Variants in CADPS observed in about 807,000 individuals in gnomAD.
CADPS encodes the protein calcium-dependent secretion activator 1.
CADPS carries 57 observed loss-of-function variants against 167.3 expected under a neutral mutation model. The observed-to-expected ratio is 0.34, with a 90% CI of 0.28 to 0.42. The LOEUF is 0.42. Ranked by LOEUF, CADPS falls within the 20% of genes least tolerant of loss-of-function variation. The pLI, the probability that CADPS is intolerant of heterozygous loss-of-function variation, is 1.00. For missense variants in CADPS, 1,414 were observed against 1,738.1 expected (o/e 0.81, Z 3.32); for synonymous variants, 676 against 635.3 (o/e 1.06, Z -0.96).
rs548416180 is a variant in CADPS at position 62,458,511 on chromosome 3, C to T, written c.3636+6856G>A. On this transcript the variant is annotated intron_variant, in intron 26 of 29. Coordinates refer to ENST00000383710, the MANE Select transcript of CADPS (RefSeq NM_003716.4). This position sits in a 1 kb window ranked among gnomAD's most constrained non-coding sequence, Gnocchi z 4.6. Reference sequence around the variant, plus strand: ...TCTTTTTTCTTTTTCTTTTTTGAGACGGAGTCTGGCTCTATCACCCAGGCT... The same window carrying T: ...TCTTTTTTCTTTTTCTTTTTTGAGATGGAGTCTGGCTCTATCACCCAGGCT... Among the ~76,000 whole-genome samples the T allele has an allele frequency of 1.2e-3, 181 of 152,108 alleles. No individual in the cohort carries two copies. The highest frequency in any genetic ancestry group is 3.8e-3 in the African/African-American group (159 of 41,506).
chr3:62,438,484 A>G lies in CADPS; in HGVS notation c.3670-273T>C, dbSNP rs1037734927. ...TCTATGATAAATTTTTTCCTGGCAA[A>G]TTTATCTAATGGATAAATCTTTACT... On this transcript the variant is annotated intron_variant, in intron 27 of 29. Coordinates refer to ENST00000383710, the MANE Select transcript of CADPS (RefSeq NM_003716.4). The surrounding 1 kb of genome is among the most constrained non-coding windows in gnomAD (Gnocchi z 4.7). 1 of 381,728 alleles carries G rather than the reference A, an allele frequency of 2.6e-6. No individual in the cohort carries two copies. The highest frequency in any genetic ancestry group is 2.1e-5 in the African/African-American group (1 of 48,308). The allele number at this position is 381,728 out of a possible 1,614,324, so 23.6% of individuals were successfully genotyped here. A position where few individuals can be genotyped will look rare whatever the true frequency, so the allele number is the denominator to read the frequency against.
In CADPS at chr3:62,860,433, C is replaced by T. The variant is rs190499682; in HGVS notation, c.441+14156G>A. 2.7e-3 allele frequency among the ~76,000 whole-genome samples: 418 copies of T among 152,242 alleles called. 1 individual carries two copies. Among genetic ancestry groups the T allele is most frequent in the African/African-American group, 9.1e-3 (379 of 41,544 alleles). On this transcript the variant is annotated intron_variant, in intron 1 of 29. Coordinates refer to ENST00000383710, the MANE Select transcript of CADPS (RefSeq NM_003716.4). ...CAGGAGATTGGTTCTAGGACCATCC[C>T]GTTCTGGCATACACTAAAATCTCCA...
In CADPS at chr3:62,526,711, C is replaced by T. The variant is rs537741284; in HGVS notation, c.2291+6160G>A. Among the ~76,000 whole-genome samples the T allele has an allele frequency of 2.0e-5, 3 of 152,296 alleles. No homozygotes were observed. The South Asian group carries it at 6.2e-4, about 32-fold the overall frequency. On this transcript the variant is annotated intron_variant, in intron 13 of 29. Coordinates refer to ENST00000383710, the MANE Select transcript of CADPS (RefSeq NM_003716.4). ...ACCAGCTGAGCATACTCACATTTTC[C>T]TTTTTCTCCTGTCTCTCTTTTCAGA...
At chr3:62,407,714 T>C (rs2048179853) in intron 28 of CADPS, among the ~76,000 whole-genome samples, 1 of 152,134 alleles carries the variant, frequency 6.6e-6, no homozygotes, top group Admixed American at 6.5e-5. Context: ...CTCAGAAACA[T>C]CATGGATATA....
rs990875156 is a variant in CADPS at position 62,433,441 on chromosome 3, T to C, written c.3777+4663A>G. 6.6e-6 allele frequency among the ~76,000 whole-genome samples: 1 copy of C among 152,192 alleles called. No individual in the cohort carries two copies. Among genetic ancestry groups the C allele is most frequent in the Admixed American group, 6.5e-5 (1 of 15,272 alleles). ...GGTGGTTTGGTAAGAGGCCCTTTCC[T>C]GATCTGATAACTGCCACGGAGAAGC... is the stretch of plus-strand genomic sequence containing the variant. On this transcript the variant is annotated intron_variant, in intron 28 of 29. Transcript: ENST00000383710. The surrounding 1 kb of genome is among the most constrained non-coding windows in gnomAD (Gnocchi z 4.7).
intron 3 of CADPS, among the ~76,000 whole-genome samples, chr3:62,741,551 A>G (rs2080251991): frequency 6.6e-6 from 1 of 152,270 alleles, no homozygotes; most frequent in African/African-American, 2.4e-5. Context: ...GATGCAGAAA[A>G]GGCTTTTAAT....
At chr3:62,737,184 C>T (rs1338343243) in intron 3 of CADPS, among the ~76,000 whole-genome samples, 1 of 151,932 alleles carries the variant, frequency 6.6e-6, no homozygotes, top group Non-Finnish European at 1.5e-5. Flanking sequence ...ATAACCCCCA[C>T]AATCTAAGTA....
chr3:62,599,938 A>G (rs1466644990), intron 6 of CADPS, among the ~76,000 whole-genome samples: 1 of 105,066 alleles, frequency 9.5e-6, no homozygotes, highest in South Asian at 2.5e-4. Flanking sequence ...TATATATAAT[A>G]TATATAATGT....
intron 3 of CADPS, among the ~76,000 whole-genome samples, chr3:62,672,578 C>T (rs538302981): frequency 1.3e-5 from 2 of 152,268 alleles, no homozygotes; most frequent in African/African-American, 4.8e-5. Context: ...ACATGACATA[C>T]TCTTGCTTGG....
At chr3:62,751,504 T>A (rs927571515) in intron 3 of CADPS, among the ~76,000 whole-genome samples, 3 of 151,876 alleles carry the variant, frequency 2.0e-5, no homozygotes, top group African/African-American at 7.2e-5. Flanking sequence ...TGGAATGCAG[T>A]GGTGTGATCT....
intron 9 of CADPS, among the ~76,000 whole-genome samples, chr3:62,562,095 T>C (rs1483005510): frequency 6.6e-6 from 1 of 152,124 alleles, no homozygotes; most frequent in Non-Finnish European, 1.5e-5. Context: ...AAGAGAGGTA[T>C]ATGGTACTGT....
intron 17 of CADPS, among the ~76,000 whole-genome samples, chr3:62,503,132 T>A (rs1576925136): frequency 6.7e-6 from 1 of 150,340 alleles, no homozygotes; most frequent in East Asian, 2.0e-4. Context: ...TACACATGAA[T>A]GATGGCAGCA....
intron 3 of CADPS, among the ~76,000 whole-genome samples, chr3:62,678,457 A>C (rs1307242067): frequency 2.0e-5 from 3 of 152,110 alleles, no homozygotes; most frequent in Non-Finnish European, 4.4e-5. Flanking sequence ...AGGAAGAAAA[A>C]ATTAATGCTT....
At chr3:62,669,671 C>A (rs1436158255) in intron 3 of CADPS, among the ~76,000 whole-genome samples, 24 of 152,168 alleles carry the variant, frequency 1.6e-4, no homozygotes, top group Admixed American at 1.6e-3. Flanking sequence ...GTGATTGGAC[C>A]TCTCTGAGCC....
At chr3:62,751,684 G>T (rs973111771) in intron 3 of CADPS, among the ~76,000 whole-genome samples, 4 of 152,150 alleles carry the variant, frequency 2.6e-5, no homozygotes, top group African/African-American at 9.7e-5. Context: ...GCCTCCCAAA[G>T]TGCTGAGATT....
intron 6 of CADPS, among the ~76,000 whole-genome samples, chr3:62,614,381 A>G (rs1354513080): frequency 6.6e-6 from 1 of 152,212 alleles, no homozygotes; most frequent in African/African-American, 2.4e-5. Flanking sequence ...CCACTGCAGG[A>G]TCACAGGGTG....
chr3:62,842,449 A>T (rs1447744086), intron 1 of CADPS, among the ~76,000 whole-genome samples: 3 of 152,230 alleles, frequency 2.0e-5, no homozygotes, highest in Non-Finnish European at 4.4e-5. Flanking sequence ...GCAGCCAATC[A>T]AGATAATCTT....
At chr3:62,587,574 G>C (rs2084926500) in intron 7 of CADPS, among the ~76,000 whole-genome samples, 1 of 152,210 alleles carries the variant, frequency 6.6e-6, no homozygotes. Flanking sequence ...CGGTAAGTAA[G>C]AAAGGCCCTG....
At chr3:62,689,574 T>A (rs1041372920) in intron 3 of CADPS, among the ~76,000 whole-genome samples, 1 of 152,064 alleles carries the variant, frequency 6.6e-6, no homozygotes. Context: ...TTTTATACCA[T>A]TCTCTGGAGG....
Sources: allele counts gnomAD v4.1 joint callset (sites outside exome capture counted in the v4.1 genomes callset), GRCh38; gene constraint gnomAD v4.1.1; non-coding constraint Gnocchi (gnomAD v3.1); transcripts MANE v1.5; gene names NCBI Gene and HGNC (gene_info 2026-07-23, HGNC 2026-07-21).